DENND1B: variants seen among roughly 807,000 people sequenced by gnomAD.
DENND1B encodes DENN domain-containing protein 1B.
Under a neutral mutation model 90.1 loss-of-function variants are expected in DENND1B, and 59 were observed. The ratio of observed to expected loss-of-function variants is 0.65; its 90% CI spans 0.53 to 0.81. The LOEUF (loss-of-function observed/expected upper bound fraction) is 0.81, where lower values mean the gene tolerates loss of function less well. Ranked by LOEUF, DENND1B falls within the 40% of genes least tolerant of loss-of-function variation. DENND1B has a pLI of 0.00. For missense variants in DENND1B, 862 were observed against 912.6 expected, an observed-to-expected ratio of 0.94 and a Z score of 0.71; for synonymous variants, 337 against 324.6, an observed-to-expected ratio of 1.04 and a Z score of -0.41.
At chr1:197,657,446 C>T (rs1215030967) in intron 6 of DENND1B, among the ~76,000 whole-genome samples, 3 of 152,150 alleles carry the variant, frequency 2.0e-5, no homozygotes, top group Non-Finnish European at 2.9e-5. Flanking sequence ...TAAAGACCTT[C>T]TCCAAAGAAG....
At chr1:197,621,067 G>A (rs995058799) in intron 10 of DENND1B, among the ~76,000 whole-genome samples, 3 of 151,188 alleles carry the variant, frequency 2.0e-5, no homozygotes, top group African/African-American at 7.3e-5. Flanking sequence ...AACATGCTTG[G>A]CATCTTCACA....
intron 20 of DENND1B, among the ~76,000 whole-genome samples, chr1:197,524,741 AC>A (rs1456205802): frequency 6.6e-6 from 1 of 152,138 alleles, no homozygotes; most frequent in Non-Finnish European, 1.5e-5. Flanking sequence ...CACGCTAGAT[AC>A]TGGTTGTGTT....
At chr1:197,673,418 T>C (rs1655728998) in intron 4 of DENND1B, among the ~76,000 whole-genome samples, 1 of 152,068 alleles carries the variant, frequency 6.6e-6, no homozygotes, top group South Asian at 2.1e-4. Context: ...ACTAATACTT[T>C]AGCGAAGTAT....
chr1:197,739,469 C>G (rs560860698), intron 2 of DENND1B, among the ~76,000 whole-genome samples: 1 of 152,238 alleles, frequency 6.6e-6, no homozygotes, highest in African/African-American at 2.4e-5. Context: ...CAAAATATAA[C>G]AGAAACATCA....
At chr1:197,735,631 C>T in intron 2 of DENND1B, 10 of 1,614,178 alleles carry the variant, frequency 6.2e-6, no homozygotes, top group Non-Finnish European at 8.5e-6. Context: ...CGTGGAGCTG[C>T]CGCCATGAAG....
In DENND1B at chr1:197,510,605, G is replaced by A; in HGVS notation, c.2183C>T (p.Pro728Leu). The A allele has an allele frequency of 6.2e-7, 1 of 1,612,750 alleles. No homozygotes were observed. The highest frequency in any genetic ancestry group is 1.1e-5 in the South Asian group (1 of 91,050). ...GGCTTCTTTCCCTTCTTTCTCCCAA[G>A]GAACAAAAGTCGATGAATGCCGCCC... ...GLGRHSSTFV[P>L]WEKEGKEAKE... The change falls in exon 23 of 23, where the codon CCT becomes CTT. Residue 728 changes from proline (P) to leucine (L), a missense_variant. Transcript: ENST00000620048.
chr1:197,759,659 C>T (rs1312306567), intron 2 of DENND1B, among the ~76,000 whole-genome samples: 1 of 139,340 alleles, frequency 7.2e-6, no homozygotes, highest in Admixed American at 7.8e-5. Context: ...AGGAGAATGG[C>T]GTGAACCCGG....
At chr1:197,541,587 C>T (rs1311059041) in intron 18 of DENND1B, among the ~76,000 whole-genome samples, 1 of 152,198 alleles carries the variant, frequency 6.6e-6, no homozygotes, top group Non-Finnish European at 1.5e-5. Flanking sequence ...GAGTTTCTCA[C>T]ATCCTGCTGT....
rs1270048502 is a variant in DENND1B at position 197,645,792 on chromosome 1, A to C, written c.508-49T>G. 5 of 1,262,256 alleles carry C rather than the reference A, an allele frequency of 4.0e-6. No homozygotes were observed. In the African/African-American group the frequency reaches 6.2e-5, roughly 16 times the overall value. The allele number at this position is 1,262,256 out of a possible 1,614,324, so 78.2% of individuals were successfully genotyped here. ...TATGAAAAAGATAATTAAAACTGGT[A>C]ACATATAATTTGTAATGAAAATCAG... is the stretch of plus-strand genomic sequence containing the variant. On this transcript the variant is annotated intron_variant, in intron 8 of 22. Transcript: ENST00000620048.
intron 10 of DENND1B, among the ~76,000 whole-genome samples, chr1:197,632,289 A>G (rs1317912956): frequency 2.6e-5 from 4 of 152,160 alleles, no homozygotes; most frequent in Admixed American, 2.0e-4. Context: ...ATTCTTCACA[A>G]TCTGGCCACT....
At chr1:197,562,613 G>C (rs998636606) in intron 15 of DENND1B, among the ~76,000 whole-genome samples, 3 of 151,782 alleles carry the variant, frequency 2.0e-5, no homozygotes, top group Admixed American at 2.0e-4. Flanking sequence ...TGTCCTGACT[G>C]CTCCACTGAC....
chr1:197,631,316 G>T (rs762045714), intron 10 of DENND1B, among the ~76,000 whole-genome samples: 142 of 152,122 alleles, frequency 9.3e-4, no homozygotes, highest in African/African-American at 3.3e-3. Flanking sequence ...AAGGATCCTA[G>T]AAATCATTCT....
chr1:197,737,504 G>A (rs1409759035), intron 2 of DENND1B, among the ~76,000 whole-genome samples: 1 of 152,048 alleles, frequency 6.6e-6, no homozygotes, highest in Non-Finnish European at 1.5e-5. Context: ...TTCCATCTTG[G>A]AGGTATGACA....
intron 1 of DENND1B, among the ~76,000 whole-genome samples, chr1:197,774,248 T>C (rs1245134517): frequency 1.3e-5 from 2 of 152,200 alleles, no homozygotes; most frequent in East Asian, 3.8e-4. Context: ...GAATTTCTCT[T>C]AGGTGTAAAA....
intron 13 of DENND1B, among the ~76,000 whole-genome samples, chr1:197,596,352 G>C (rs1558286340): frequency 6.6e-6 from 1 of 151,834 alleles, no homozygotes. Context: ...CCAATTCACT[G>C]TACCAATTCC....
At chr1:197,548,627 G>A (rs561690341) in intron 16 of DENND1B, among the ~76,000 whole-genome samples, 1 of 152,106 alleles carries the variant, frequency 6.6e-6, no homozygotes, top group South Asian at 2.1e-4. Context: ...AACAGAATAA[G>A]AATCTAGGAA....
chr1:197,701,194 G>A (rs1658989822), intron 3 of DENND1B, among the ~76,000 whole-genome samples: 2 of 152,148 alleles, frequency 1.3e-5, no homozygotes, highest in African/African-American at 4.8e-5. Context: ...GCCCATCAAT[G>A]ATAGACTGGA....
intron 20 of DENND1B, among the ~76,000 whole-genome samples, chr1:197,526,601 T>C (rs1313029549): frequency 1.3e-5 from 2 of 152,188 alleles, no homozygotes; most frequent in Non-Finnish European, 1.5e-5. Context: ...ATGTCAGTCA[T>C]TTCTGGCAAT....
chr1:197,775,451 C>T lies in DENND1B; in HGVS notation c.-296G>A, dbSNP rs1657202108. 7.2e-6 allele frequency: 2 copies of T among 276,090 alleles called. No individual in the cohort carries two copies. Among genetic ancestry groups the T allele is most frequent in the South Asian group, 1.7e-4 (1 of 5,992 alleles). 17.1% of individuals were successfully genotyped at this position (276,090 alleles called of 1,614,324 possible). On this transcript the variant is annotated 5_prime_UTR_variant, in exon 1 of 23. Transcript: ENST00000620048. ...GGCCTCTCAGTTCCTGCGACCGGGG[C>T]CGCCCGCTGCGGCTCCTGCACCTTC...
Sources: gnomAD v4.1 joint callset for allele counts (sites outside exome capture counted in the v4.1 genomes callset) on GRCh38, gnomAD v4.1.1 for gene constraint, MANE v1.5 for transcripts, NCBI Gene and HGNC (gene_info 2026-07-23, HGNC 2026-07-21) for gene names.